The following GALNTL6 variants were observed in gnomAD, a reference collection of about 807,000 sequenced individuals.
The protein encoded by GALNTL6 is polypeptide N-acetylgalactosaminyltransferase-like 6.
In GALNTL6, 46 loss-of-function variants were observed where a neutral mutation model predicts 73.7. The ratio of observed to expected loss-of-function variants is 0.62; its 90% CI spans 0.49 to 0.80. GALNTL6 has a LOEUF of 0.80. Among genes scored for constraint, GALNTL6 ranks in the 30% least tolerant of loss-of-function variants. GALNTL6 has a pLI of 0.00. For missense variants in GALNTL6, 604 were observed against 755.0 expected (o/e 0.80, Z 2.34); for synonymous variants, 259 against 263.7 (o/e 0.98, Z 0.17).
At chr4:172,246,818 GTA>G (rs201662412) in intron 3 of GALNTL6, among the ~76,000 whole-genome samples, 5 of 143,188 alleles carry the variant, frequency 3.5e-5, no homozygotes, top group African/African-American at 1.3e-4. Context: ...ATATATATAT[GTA>G]TATATATATA....
At chr4:171,835,147 A>G (rs899658336) in intron 2 of GALNTL6, among the ~76,000 whole-genome samples, 1 of 152,084 alleles carries the variant, frequency 6.6e-6, no homozygotes, top group Non-Finnish European at 1.5e-5. Context: ...TTATGAGGTC[A>G]TAAGCACATT....
chr4:172,525,692 A>T (rs989336293), intron 5 of GALNTL6, among the ~76,000 whole-genome samples: 1 of 152,040 alleles, frequency 6.6e-6, no homozygotes, highest in Non-Finnish European at 1.5e-5. Flanking sequence ...TGAGACCCTC[A>T]TTATACAAAA....
intron 5 of GALNTL6, among the ~76,000 whole-genome samples, chr4:172,491,420 G>A (rs1316219816): frequency 1.3e-5 from 2 of 151,762 alleles, no homozygotes; most frequent in Non-Finnish European, 2.9e-5. Context: ...GACTAGTTGT[G>A]GTTTCTTTTA....
At chr4:171,850,584 G>A (rs1735498038) in intron 2 of GALNTL6, among the ~76,000 whole-genome samples, 1 of 152,150 alleles carries the variant, frequency 6.6e-6, no homozygotes, top group South Asian at 2.1e-4. Context: ...AAGTGCAGGT[G>A]TGTGACTTTA....
At chr4:172,563,209 CCTT>C (rs756210974) in intron 5 of GALNTL6, among the ~76,000 whole-genome samples, 2 of 152,104 alleles carry the variant, frequency 1.3e-5, no homozygotes, top group Non-Finnish European at 2.9e-5. Context: ...CCCCAAAGGA[CCTT>C]CTGATTTCCA....
At chr4:172,640,130 C>T (rs904369130) in intron 5 of GALNTL6, among the ~76,000 whole-genome samples, 1 of 152,114 alleles carries the variant, frequency 6.6e-6, no homozygotes, top group African/African-American at 2.4e-5. Context: ...CTATTGTTCA[C>T]TGAAACTGAT....
intron 8 of GALNTL6, among the ~76,000 whole-genome samples, chr4:172,928,336 G>A (rs923668814): frequency 6.6e-6 from 1 of 152,162 alleles, no homozygotes; most frequent in African/African-American, 2.4e-5. Context: ...CTTTGAACAA[G>A]CTACTTAGCA....
chr4:172,199,527 T>C (rs979316856), intron 2 of GALNTL6, among the ~76,000 whole-genome samples: 2 of 152,206 alleles, frequency 1.3e-5, no homozygotes, highest in Non-Finnish European at 2.9e-5. Flanking sequence ...CCAGTAAGTT[T>C]TGAGTTCTTT....
intron 5 of GALNTL6, among the ~76,000 whole-genome samples, chr4:172,596,015 A>G (rs1370645450): frequency 3.9e-5 from 6 of 152,122 alleles, no homozygotes; most frequent in African/African-American, 1.4e-4. Context: ...ATATAAATAT[A>G]TAAACATATA....
At chr4:172,591,405 T>C (rs1461509095) in intron 5 of GALNTL6, among the ~76,000 whole-genome samples, 1 of 116,592 alleles carries the variant, frequency 8.6e-6, no homozygotes, top group Non-Finnish European at 1.9e-5. Flanking sequence ...TAAGTTTCTT[T>C]TGAAACGCAT....
chr4:172,236,495 G>A (rs563532175), intron 3 of GALNTL6, among the ~76,000 whole-genome samples: 2 of 149,510 alleles, frequency 1.3e-5, no homozygotes, highest in South Asian at 4.2e-4. Flanking sequence ...GGGAGGCAGG[G>A]CTTGCAGTGA....
chr4:172,605,717 T>C (rs1261744516), intron 5 of GALNTL6, among the ~76,000 whole-genome samples: 1 of 152,062 alleles, frequency 6.6e-6, no homozygotes, highest in Non-Finnish European at 1.5e-5. Flanking sequence ...TGCAGATTTT[T>C]TCACCCCATA....
intron 2 of GALNTL6, among the ~76,000 whole-genome samples, chr4:172,218,533 G>T (rs1300736504): frequency 1.3e-5 from 2 of 152,002 alleles, no homozygotes; most frequent in African/African-American, 4.8e-5. Flanking sequence ...TGCAGTTTCT[G>T]CTGTAAGAAA....
intron 2 of GALNTL6, among the ~76,000 whole-genome samples, chr4:172,045,592 G>C (rs1398807602): frequency 6.6e-6 from 1 of 151,736 alleles, no homozygotes; most frequent in Non-Finnish European, 1.5e-5. Flanking sequence ...TATAGAAAAA[G>C]GGCTATTATG....
intron 5 of GALNTL6, among the ~76,000 whole-genome samples, chr4:172,488,247 T>C (rs1432620162): frequency 6.6e-6 from 1 of 152,160 alleles, no homozygotes; most frequent in Non-Finnish European, 1.5e-5. Context: ...GTGTTTCTGA[T>C]TACTACTGCT....
chr4:171,875,630 G>A (rs547670549), intron 2 of GALNTL6, among the ~76,000 whole-genome samples: 1 of 152,066 alleles, frequency 6.6e-6, no homozygotes, highest in East Asian at 1.9e-4. Flanking sequence ...ATTCCATTTT[G>A]CCCCGTTTCC....
chr4:172,101,481 T>C (rs1413938841), intron 2 of GALNTL6, among the ~76,000 whole-genome samples: 2 of 152,158 alleles, frequency 1.3e-5, no homozygotes, highest in Non-Finnish European at 2.9e-5. Context: ...TATTAAAAAG[T>C]GCAAAAAATA....
At chr4:173,038,987 A>G (rs1753799262) in intron 12 of GALNTL6, among the ~76,000 whole-genome samples, 1 of 152,240 alleles carries the variant, frequency 6.6e-6, no homozygotes, top group East Asian at 1.9e-4. Flanking sequence ...CATTATAGAC[A>G]ACATTAGAGG....
chr4:172,049,016 C>T (rs545513628), intron 2 of GALNTL6, among the ~76,000 whole-genome samples: 4 of 152,164 alleles, frequency 2.6e-5, no homozygotes, highest in East Asian at 1.9e-4. Context: ...CCAGCAGTAA[C>T]GCAATTTGTT....
Sources: allele counts gnomAD v4.1 joint callset (sites outside exome capture counted in the v4.1 genomes callset), GRCh38; gene constraint gnomAD v4.1.1; transcripts MANE v1.5; gene names NCBI Gene and HGNC (gene_info 2026-07-23, HGNC 2026-07-21).